Variants in KCNT1 observed in about 807,000 individuals in gnomAD.
KCNT1 encodes potassium sodium-activated channel subfamily T member 1, also known as potassium channel subfamily T member 1.
KCNT1 carries 78 observed loss-of-function variants against 147.8 expected under a neutral mutation model. The ratio of observed to expected loss-of-function variants is 0.53; its 90% CI spans 0.44 to 0.64. KCNT1 has a LOEUF of 0.64. KCNT1 is among the 30% of genes least tolerant of loss of function. The pLI is 0.00. For missense variants in KCNT1, 1,419 were observed against 1,750.3 expected, an observed-to-expected ratio of 0.81 and a Z score of 3.38; for synonymous variants, 867 against 748.8, an observed-to-expected ratio of 1.16 and a Z score of -2.58.
At chr9:135,724,147 G>C (rs1237407976) in intron 2 of KCNT1, among the ~76,000 whole-genome samples, 1 of 152,220 alleles carries the variant, frequency 6.6e-6, no homozygotes, top group Non-Finnish European at 1.5e-5. Context: ...AGGCACAGGG[G>C]GAGGGCACCA....
intron 29 of KCNT1, 33 bp from the exon 30 acceptor site, chr9:135,791,764 G>A (rs756638709): frequency 1.9e-6 from 3 of 1,595,892 alleles, no homozygotes; most frequent in East Asian, 4.5e-5. Flanking sequence ...CAGGGCTGGG[G>A]GGGTGACGTC....
rs550780111 is a variant in KCNT1, at chr9:135,738,587, G to A, written c.255-11511G>A. On this transcript the variant is annotated intron_variant, in intron 2 of 30. Coordinates refer to ENST00000371757, the MANE Select transcript of KCNT1 (RefSeq NM_020822.3). ...GCCAGCCAGGGTCCCGGCTCCCTCA[G>A]CCCTCTCAGACTCTGCCCGTCTCAT... Among the ~76,000 whole-genome samples, 13 of 152,286 alleles carry A rather than the reference G, an allele frequency of 8.5e-5. 1 individual carries two copies. The East Asian group carries it at 2.3e-3, about 27-fold the overall frequency.
intron 13 of KCNT1, 126 bp from the exon 14 acceptor site, chr9:135,768,484 C>G: frequency 1.5e-6 from 1 of 677,298 alleles, no homozygotes; most frequent in South Asian, 1.9e-5. Context: ...TCCTCTCAGT[C>G]TCTTTCTGTG....
chr9:135,768,422 T>TC (rs1180656480), intron 13 of KCNT1, 188 bp from the exon 14 acceptor site: 10 of 393,552 alleles, frequency 2.5e-5, no homozygotes, highest in South Asian at 1.7e-4. Context: ...AGGGGCCTCC[T>TC]CCCGCCTTCC....
intron 3 of KCNT1, 116 bp from the exon 4 acceptor site, chr9:135,750,826 G>A: frequency 1.1e-6 from 1 of 873,184 alleles, no homozygotes; most frequent in Non-Finnish European, 1.9e-6. Flanking sequence ...CAGCCCGGGT[G>A]TGGGAGGGGA....
intron 2 of KCNT1, among the ~76,000 whole-genome samples, chr9:135,726,494 TG>T (rs1040587130): frequency 1.3e-5 from 2 of 152,066 alleles, no homozygotes; most frequent in Non-Finnish European, 1.5e-5. Flanking sequence ...CAAGCCTCAG[TG>T]GGTCCCTTGG....
intron 29 of KCNT1, among the ~76,000 whole-genome samples, chr9:135,787,170 G>A (rs1335260480): frequency 2.0e-5 from 3 of 152,204 alleles, no homozygotes; most frequent in Non-Finnish European, 4.4e-5. Context: ...CCACTCCCAC[G>A]GCACAGCCCC....
In KCNT1 at chr9:135,760,807, G is replaced by C. The variant is rs190838312; in HGVS notation, c.1035+948G>C. On this transcript the variant is annotated intron_variant, in intron 11 of 30. Coordinates refer to ENST00000371757, the MANE Select transcript of KCNT1 (RefSeq NM_020822.3). Reference sequence around the variant, plus strand: ...CTCCTGAGTTCAGATGGGGCCGTGCGCGTCTTTCCATCTGGTTGTCGGCCA... The same window carrying C: ...CTCCTGAGTTCAGATGGGGCCGTGCCCGTCTTTCCATCTGGTTGTCGGCCA... Among the ~76,000 whole-genome samples, 4 of 152,342 alleles carry C rather than the reference G, an allele frequency of 2.6e-5. No homozygotes were observed. In the East Asian group the frequency reaches 7.7e-4, roughly 29 times the overall value.
chr9:135,754,548 C>A (rs2131424710), intron 5 of KCNT1, among the ~76,000 whole-genome samples: 1 of 152,310 alleles, frequency 6.6e-6, no homozygotes, highest in Non-Finnish European at 1.5e-5. Context: ...CCAGAACCTG[C>A]AAGGCATGTC....
intron 3 of KCNT1, chr9:135,750,568 G>A: frequency 3.4e-6 from 1 of 293,222 alleles, no homozygotes; most frequent in Admixed American, 4.7e-5. Flanking sequence ...CCCGTTCCCA[G>A]CCAGAGCTTG....
intron 10 of KCNT1, among the ~76,000 whole-genome samples, chr9:135,759,388 C>G (rs966516473): frequency 6.7e-5 from 10 of 148,822 alleles, no homozygotes; most frequent in African/African-American, 2.2e-4. Context: ...GAGAGCCACC[C>G]GGCAGGCAGG....
intron 29 of KCNT1, chr9:135,789,097 T>G (rs1460557817): frequency 6.6e-6 from 1 of 152,274 alleles, no homozygotes; most frequent in Non-Finnish European, 1.5e-5. Context: ...ACCCTCGCTC[T>G]GCCGGGCACT....
At chr9:135,766,502 G>T (rs1206879287) in intron 13 of KCNT1, among the ~76,000 whole-genome samples, 1 of 151,688 alleles carries the variant, frequency 6.6e-6, no homozygotes, top group Admixed American at 6.6e-5. Flanking sequence ...GTTGTCTGGG[G>T]TGGGCCATCC....
chr9:135,776,406 C>T (rs1833174163), intron 20 of KCNT1, among the ~76,000 whole-genome samples: 1 of 151,946 alleles, frequency 6.6e-6, no homozygotes, highest in Admixed American at 6.6e-5. Context: ...CACAGGCACG[C>T]ACCACCACAC....
rs952445440 is a variant in KCNT1, at chr9:135,793,478, C to G, written c.*1317C>G. 7 of 152,276 alleles carry G rather than the reference C, an allele frequency of 4.6e-5. No homozygotes were observed. Among genetic ancestry groups the G allele is most frequent in the Non-Finnish European group, 1.5e-5 (1 of 68,098 alleles). 9.4% of individuals were successfully genotyped at this position (152,276 alleles called of 1,614,324 possible). On this transcript the variant is annotated 3_prime_UTR_variant, in exon 31 of 31. Coordinates refer to ENST00000371757, the MANE Select transcript of KCNT1 (RefSeq NM_020822.3). Reference sequence around the variant, plus strand: ...ACCCCAGGCTCTGCCCGCAGTGGCACAGAACTCATCTGAGGCCAGTGGCTG... The same window carrying G: ...ACCCCAGGCTCTGCCCGCAGTGGCAGAGAACTCATCTGAGGCCAGTGGCTG...
At chr9:135,747,035 G>T (rs1021608482) in intron 2 of KCNT1, among the ~76,000 whole-genome samples, 1 of 152,006 alleles carries the variant, frequency 6.6e-6, no homozygotes, top group African/African-American at 2.4e-5. Flanking sequence ...GGGGCTGGAC[G>T]GCTGCCAGCA....
chr9:135,746,072 A>G (rs1377723046), intron 2 of KCNT1, among the ~76,000 whole-genome samples: 1 of 152,150 alleles, frequency 6.6e-6, no homozygotes, highest in Admixed American at 6.5e-5. Context: ...CCTGAAATAC[A>G]CTGCAGGGGA....
At position 135,784,025 on chromosome 9, in the gene KCNT1, G is replaced by A. The variant is rs755704046; in HGVS notation, c.2843G>A (p.Arg948Lys). The A allele has an allele frequency of 3.1e-6, 5 of 1,606,372 alleles. No individual in the cohort carries two copies. The highest frequency in any genetic ancestry group is 3.3e-4 in the Middle Eastern group (2 of 6,062). The change falls in exon 25 of 31, where the codon AGG becomes AAG. Residue 948 changes from arginine (R) to lysine (K), a missense_variant and splice_region_variant. By Grantham distance (26) the Arg-to-Lys change is conservative. Coordinates refer to ENST00000371757, the MANE Select transcript of KCNT1 (RefSeq NM_020822.3). The stretch of plus-strand genomic sequence containing the variant: ...TCTGAGGCCCCTCCTTTCCCACAGA[G>A]GGAGCGAGAGAATGGCTCCAACCTG... ...YSLALSKLEK[R>K]ERENGSNLAF...
Position 135,714,602 on chromosome 9 carries a change from C to T in KCNT1, c.136C>T (p.Leu46Phe), listed in dbSNP as rs869312682. The change falls in exon 2 of 31, where the codon CTC (leucine) becomes TTC (phenylalanine). Residue 46 changes from leucine (L) to phenylalanine (F), a missense_variant. Around this residue, in one of 5 missense-constraint regions of KCNT1, gnomAD observed 181 missense variants for 155.7 expected, o/e 1.16. Coordinates refer to ENST00000371757, the MANE Select transcript of KCNT1 (RefSeq NM_020822.3). The surrounding 1 kb of genome is among the most constrained non-coding windows in gnomAD (Gnocchi z 6.2). ...GCGGCCCTGCGCGGGGGACGGCGCG[C>T]TCCTGGACACCGCCGGCTTCAAGAT... is the stretch of plus-strand genomic sequence containing the variant. Reference protein sequence around the residue: ...PRRPCAGDGALLDTAGFKMSD... With the variant: ...PRRPCAGDGAFLDTAGFKMSD... 2.4e-5 allele frequency: 34 copies of T among 1,430,956 alleles called. No homozygotes were observed. Among genetic ancestry groups the T allele is most frequent in the East Asian group, 3.3e-5 (1 of 30,356 alleles). 88.6% of individuals were successfully genotyped at this position (1,430,956 alleles called of 1,614,324 possible).
Sources: allele counts gnomAD v4.1 joint callset (sites outside exome capture counted in the v4.1 genomes callset), GRCh38; gene constraint gnomAD v4.1.1; regional missense constraint gnomAD v4.1.1; non-coding constraint Gnocchi (gnomAD v3.1); transcripts MANE v1.5; gene names NCBI Gene and HGNC (gene_info 2026-07-23, HGNC 2026-07-21).